AKT3: variants seen among roughly 807,000 people sequenced by gnomAD.
The protein encoded by AKT3 is RAC-gamma serine/threonine-protein kinase.
Under a neutral mutation model 65.3 loss-of-function variants are expected in AKT3, and 15 were observed. The ratio of observed to expected loss-of-function variants is 0.23; its 90% confidence interval spans 0.15 to 0.35. The LOEUF (loss-of-function observed/expected upper bound fraction) is 0.35, where lower values mean the gene tolerates loss of function less well. AKT3 is among the 10% of genes least tolerant of loss of function. The probability of loss-of-function intolerance (pLI) is 1.00; values close to 1 mark genes in which losing one functional copy is unlikely to be tolerated. For synonymous variants in AKT3, 206 were observed against 183.8 expected (o/e 1.12, Z -0.98); for missense variants, 243 against 576.5 (o/e 0.42, Z 5.92).
chr1:243,550,349 A>G (rs1323788691), intron 11 of AKT3, among the ~76,000 whole-genome samples: 1 of 152,204 alleles, frequency 6.6e-6, no homozygotes, highest in East Asian at 1.9e-4. Context: ...CCTGGTGAAC[A>G]AACAGTTAGG....
chr1:243,606,699 C>T (rs1677451609), intron 8 of AKT3, among the ~76,000 whole-genome samples: 2 of 152,244 alleles, frequency 1.3e-5, no homozygotes, highest in Admixed American at 6.5e-5. Flanking sequence ...ATGTTAATCA[C>T]CAAGACAAAG....
chr1:243,640,986 C>T (rs2147824309), intron 5 of AKT3, among the ~76,000 whole-genome samples: 1 of 152,076 alleles, frequency 6.6e-6, no homozygotes, highest in East Asian at 1.9e-4. Flanking sequence ...GCATACCCAC[C>T]CTTAAGCCGG....
intron 2 of AKT3, among the ~76,000 whole-genome samples, chr1:243,707,277 G>A (rs1685862773): frequency 6.6e-6 from 1 of 152,118 alleles, no homozygotes; most frequent in Admixed American, 6.6e-5. Context: ...TATCACTATT[G>A]CACATTAGCT....
Position 243,595,445 on chromosome 1 carries a change from C to A in AKT3, c.696+18226G>T, listed in dbSNP as rs566026237. On this transcript the variant is annotated intron_variant, in intron 8 of 13. Coordinates refer to ENST00000673466, the MANE Select transcript of AKT3 (RefSeq NM_005465.7). ...ATAAAATAATTAAAATTATTTTTTT[C>A]TTCAGTAATGAGTTAACCTTTGCTT... Among the ~76,000 whole-genome samples the A allele has an allele frequency of 3.3e-5, 5 of 152,060 alleles. No homozygotes were observed. In the South Asian group the frequency reaches 1.0e-3, roughly 32 times the overall value.
chr1:243,704,572 G>A (rs1446425120), intron 2 of AKT3, among the ~76,000 whole-genome samples: 7 of 152,128 alleles, frequency 4.6e-5, no homozygotes, highest in Non-Finnish European at 8.8e-5. Flanking sequence ...TCAGAAAAAG[G>A]TAGTCGATGA....
intron 4 of AKT3, among the ~76,000 whole-genome samples, chr1:243,658,440 A>T (rs1468324629): frequency 1.3e-5 from 2 of 152,236 alleles, no homozygotes; most frequent in African/African-American, 2.4e-5. Flanking sequence ...TGTTGTTTTT[A>T]AAAAAACAAC....
chr1:243,741,608 C>T (rs1688157549), intron 2 of AKT3, among the ~76,000 whole-genome samples: 1 of 152,134 alleles, frequency 6.6e-6, no homozygotes, highest in Admixed American at 6.5e-5. Context: ...TCATAACATG[C>T]TTTTTATTCA....
intron 10 of AKT3, among the ~76,000 whole-genome samples, chr1:243,554,115 G>A (rs1259838547): frequency 6.6e-6 from 1 of 152,020 alleles, no homozygotes; most frequent in East Asian, 1.9e-4. Flanking sequence ...TAATCTCACA[G>A]AATTACAGGT....
chr1:243,545,488 C>T, intron 12 of AKT3, 22 bp downstream of exon 12: 1 of 1,474,294 alleles, frequency 6.8e-7, no homozygotes, highest in Non-Finnish European at 9.5e-7. Flanking sequence ...TATATACACA[C>T]TATGCCATAA....
chr1:243,755,328 G>A (rs1689065648), intron 2 of AKT3, among the ~76,000 whole-genome samples: 1 of 151,458 alleles, frequency 6.6e-6, no homozygotes, highest in African/African-American at 2.4e-5. Context: ...GCCCGCCTCG[G>A]CCACCAAAGT....
intron 12 of AKT3, among the ~76,000 whole-genome samples, chr1:243,520,784 T>C (rs1370076726): frequency 6.6e-6 from 1 of 152,216 alleles, no homozygotes; most frequent in African/African-American, 2.4e-5. Flanking sequence ...ACTGAAAATA[T>C]GCAACTTCAA....
chr1:243,545,497 A>G lies in AKT3; in HGVS notation c.1251+13T>C. 1 of 1,551,298 alleles carries G rather than the reference A, an allele frequency of 6.4e-7. No homozygotes were observed. The highest frequency in any genetic ancestry group is 1.1e-5 in the South Asian group (1 of 88,764). On this transcript the variant is annotated intron_variant, in intron 12 of 13. Transcript: ENST00000673466. ...CCAAAATATATACACACTATGCCAT[A>G]AAGAAATCTTACCTTTTTATCATAT...
At chr1:243,751,068 T>A (rs1688782455) in intron 2 of AKT3, among the ~76,000 whole-genome samples, 1 of 152,168 alleles carries the variant, frequency 6.6e-6, no homozygotes, top group Admixed American at 6.5e-5. Flanking sequence ...ACTGGCCCAA[T>A]TTTACTTGTG....
upstream of AKT3, among the ~76,000 whole-genome samples, chr1:243,850,485 G>T (rs1281403313): frequency 6.6e-6 from 1 of 151,308 alleles, no homozygotes; most frequent in Admixed American, 6.6e-5. Flanking sequence ...CGCGCCCGGC[G>T]CGGGGAGGGG....
Position 243,849,552 on chromosome 1 carries a change from C to G in AKT3, c.-113+488G>C, listed in dbSNP as rs527934640. Among the ~76,000 whole-genome samples the G allele has an allele frequency of 2.2e-4, 33 of 152,112 alleles. No homozygotes were observed. In the East Asian group the frequency reaches 4.3e-3, roughly 20 times the overall value. ...CGCGCGGCAGACGGCTCCCTCCCCCCAACCCAAACACACTGACACCGGCGC... is the reference window on the plus strand; with the variant it reads ...CGCGCGGCAGACGGCTCCCTCCCCCGAACCCAAACACACTGACACCGGCGC... On this transcript the variant is annotated intron_variant, in intron 1 of 13. Coordinates refer to ENST00000673466, the MANE Select transcript of AKT3 (RefSeq NM_005465.7).
chr1:243,757,222 T>C (rs1014809676), intron 2 of AKT3, among the ~76,000 whole-genome samples: 4 of 152,218 alleles, frequency 2.6e-5, no homozygotes, highest in African/African-American at 9.6e-5. Flanking sequence ...TATCTTGCTT[T>C]AATAGTTATA....
intron 12 of AKT3, among the ~76,000 whole-genome samples, chr1:243,520,357 C>A (rs1038578968): frequency 6.6e-6 from 1 of 152,174 alleles, no homozygotes; most frequent in Non-Finnish European, 1.5e-5. Flanking sequence ...CTTGGACTTT[C>A]GCCAGAAATA....
At chr1:243,489,350 A>G (rs1398439947) in intron 13 of AKT3, among the ~76,000 whole-genome samples, 1 of 152,200 alleles carries the variant, frequency 6.6e-6, no homozygotes, top group African/African-American at 2.4e-5. Context: ...AAGTCCGTGC[A>G]GGTGAACAGA....
chr1:243,673,101 A>G (rs912573013), intron 3 of AKT3, among the ~76,000 whole-genome samples: 1 of 152,224 alleles, frequency 6.6e-6, no homozygotes, highest in Non-Finnish European at 1.5e-5. Flanking sequence ...TTAAAAATGT[A>G]GTAAAATATA....
Sources: gnomAD v4.1 joint callset for allele counts (sites outside exome capture counted in the v4.1 genomes callset) on GRCh38, gnomAD v4.1.1 for gene constraint, MANE v1.5 for transcripts, NCBI Gene and HGNC (gene_info 2026-07-23, HGNC 2026-07-21) for gene names.